The following TMEM44 variants were observed in gnomAD, a reference collection of about 807,000 sequenced individuals.
TMEM44 encodes transmembrane protein 44.
Under a neutral mutation model 47.8 loss-of-function variants are expected in TMEM44, and 43 were observed. The observed-to-expected ratio is 0.90, with a 90% CI of 0.70 to 1.16. The LOEUF (loss-of-function observed/expected upper bound fraction) is 1.16, where lower values mean the gene tolerates loss of function less well. Ranked by LOEUF, TMEM44 falls within the 50% of genes most tolerant of loss-of-function variation. The probability of loss-of-function intolerance (pLI) is 0.00; values close to 1 mark genes in which losing one functional copy is unlikely to be tolerated. For missense variants in TMEM44, 568 were observed against 555.2 expected, an observed-to-expected ratio of 1.02 and a Z score of -0.23; for synonymous variants, 277 against 238.8, an observed-to-expected ratio of 1.16 and a Z score of -1.48.
At chr3:194,631,098 C>G (rs1717772099) in intron 1 of TMEM44, among the ~76,000 whole-genome samples, 1 of 149,608 alleles carries the variant, frequency 6.7e-6, no homozygotes, top group Non-Finnish European at 1.5e-5. Context: ...AAGGGGCTGG[C>G]TGTTTCTATT....
At chr3:194,632,175 C>T (rs1193878284) in intron 1 of TMEM44, among the ~76,000 whole-genome samples, 1 of 152,210 alleles carries the variant, frequency 6.6e-6, no homozygotes, top group East Asian at 1.9e-4. Context: ...TTGTGAGTGG[C>T]AGGCATTGAA....
intron 9 of TMEM44, among the ~76,000 whole-genome samples, chr3:194,595,250 T>G (rs1003907447): frequency 1.3e-5 from 2 of 152,184 alleles, no homozygotes; most frequent in African/African-American, 4.8e-5. Context: ...AGAAACATGA[T>G]TCTATCACCT....
chr3:194,628,078 T>C (rs1187756913), intron 2 of TMEM44, among the ~76,000 whole-genome samples: 1 of 152,328 alleles, frequency 6.6e-6, no homozygotes, highest in East Asian at 1.9e-4. Flanking sequence ...GATTCCCTTA[T>C]TCTAATCTAT....
At chr3:194,625,121 C>G (rs534193554) in intron 3 of TMEM44, among the ~76,000 whole-genome samples, 22 of 152,362 alleles carry the variant, frequency 1.4e-4, no homozygotes, top group Non-Finnish European at 8.8e-5. Context: ...CCAGTCATTT[C>G]CGACCCCTGC....
rs575942492 is a variant in TMEM44, at chr3:194,607,820, T to C, written c.1017+3096A>G. On this transcript the variant is annotated intron_variant, in intron 8 of 9. Transcript: ENST00000347147. ...ATGATGGGAGGGGTGCCCCTAGTGC[T>C]GAGGGAGGCACCTGCCAGCCCAGCT... Among the ~76,000 whole-genome samples, 114 of 152,306 alleles carry C rather than the reference T, an allele frequency of 7.5e-4. 1 individual carries two copies. In the South Asian group the frequency reaches 0.021, roughly 27 times the overall value.
intron 5 of TMEM44, among the ~76,000 whole-genome samples, chr3:194,620,882 C>T (rs141667049): frequency 0.012 from 1,892 of 152,186 alleles, 44 homozygotes; most frequent in African/African-American, 0.043. Context: ...CAAAAATTAG[C>T]CGGGCGTGGT....
intron 5 of TMEM44, chr3:194,622,787 ACCCGC>A (rs1387782211): frequency 6.3e-6 from 1 of 159,920 alleles, no homozygotes; most frequent in East Asian, 1.9e-4. Context: ...ACCTCAAGCG[ACCCGC>A]CCCGCCTCGG....
intron 9 of TMEM44, among the ~76,000 whole-genome samples, chr3:194,603,173 G>C (rs1714349354): frequency 6.6e-6 from 1 of 152,242 alleles, no homozygotes; most frequent in African/African-American, 2.4e-5. Flanking sequence ...GGGACCAAGA[G>C]AGAGAACAGC....
chr3:194,602,502 T>A (rs1211101487), intron 9 of TMEM44, among the ~76,000 whole-genome samples: 2 of 151,812 alleles, frequency 1.3e-5, no homozygotes, highest in Non-Finnish European at 2.9e-5. Flanking sequence ...CTGGGGAGGC[T>A]GAGGCACCAG....
intron 8 of TMEM44, among the ~76,000 whole-genome samples, chr3:194,610,661 T>C (rs996682300): frequency 6.6e-6 from 1 of 152,174 alleles, no homozygotes; most frequent in Admixed American, 6.5e-5. Flanking sequence ...TTGAGCCACA[T>C]TTTTCTTTGT....
intron 3 of TMEM44, among the ~76,000 whole-genome samples, chr3:194,625,629 C>T (rs1361927950): frequency 2.0e-5 from 3 of 152,080 alleles, no homozygotes; most frequent in East Asian, 1.9e-4. Context: ...TACAGGCGCA[C>T]GCCACCACAC....
chr3:194,596,085 G>A (rs1031720443), intron 9 of TMEM44, among the ~76,000 whole-genome samples: 1 of 152,092 alleles, frequency 6.6e-6, no homozygotes, highest in African/African-American at 2.4e-5. Context: ...CATGGGGAAG[G>A]ACCTGCAAAG....
In TMEM44 at chr3:194,633,286, G is replaced by A. The variant is rs1718033691; in HGVS notation, c.-71C>T. On this transcript the variant is annotated 5_prime_UTR_variant, in exon 1 of 10. Transcript: ENST00000347147. ...CTCCCTCGCCGCGGGCAAGCCCCGAGCGCCGCCGCCCCGCGTGCCCTTCTC... is the reference window on the plus strand; with the variant it reads ...CTCCCTCGCCGCGGGCAAGCCCCGAACGCCGCCGCCCCGCGTGCCCTTCTC... 1 of 786,560 alleles carries A rather than the reference G, an allele frequency of 1.3e-6. No individual in the cohort carries two copies. Among genetic ancestry groups the A allele is most frequent in the South Asian group, 5.6e-5 (1 of 17,788 alleles). 48.7% of individuals were successfully genotyped at this position (786,560 alleles called of 1,614,324 possible). A position where few individuals can be genotyped will look rare whatever the true frequency, so the allele number is the denominator to read the frequency against.
intron 5 of TMEM44, among the ~76,000 whole-genome samples, chr3:194,618,602 T>C (rs1577206977): frequency 6.7e-6 from 1 of 148,822 alleles, no homozygotes; most frequent in East Asian, 1.9e-4. Flanking sequence ...TCAGTTTATA[T>C]ATAATACATA....
chr3:194,615,278 C>T (rs536131670), intron 7 of TMEM44, among the ~76,000 whole-genome samples: 5 of 151,972 alleles, frequency 3.3e-5, no homozygotes, highest in South Asian at 4.2e-4. Flanking sequence ...AAAAATAAAG[C>T]GACCAACTGG....
At chr3:194,621,737 G>A (rs1290980597) in intron 5 of TMEM44, among the ~76,000 whole-genome samples, 3 of 148,780 alleles carry the variant, frequency 2.0e-5, no homozygotes. Context: ...TTTTTTTTTA[G>A]ATGGAGTAGT....
At chr3:194,591,476 A>T (rs1712708870) in intron 9 of TMEM44, among the ~76,000 whole-genome samples, 1 of 152,102 alleles carries the variant, frequency 6.6e-6, no homozygotes, top group Admixed American at 6.5e-5. Flanking sequence ...CGTGGGCGAC[A>T]AGAGTGAAAT....
At chr3:194,607,514 G>C (rs955515349) in intron 8 of TMEM44, among the ~76,000 whole-genome samples, 2 of 152,048 alleles carry the variant, frequency 1.3e-5, no homozygotes, top group Admixed American at 6.6e-5. Flanking sequence ...CAAGTACAAG[G>C]CTGTACAGCA....
At chr3:194,628,262 G>A in intron 2 of TMEM44, 121 bp downstream of exon 2, 7 of 1,332,522 alleles carry the variant, frequency 5.3e-6, no homozygotes, top group East Asian at 2.7e-5. Context: ...AGGTTCTGAG[G>A]TGACACTGTG....
Sources: gnomAD v4.1 joint callset for allele counts (sites outside exome capture counted in the v4.1 genomes callset) on GRCh38, gnomAD v4.1.1 for gene constraint, MANE v1.5 for transcripts, NCBI Gene and HGNC (gene_info 2026-07-23, HGNC 2026-07-21) for gene names.